IL5: variants seen among roughly 807,000 people sequenced by gnomAD.
The protein encoded by IL5 is interleukin-5.
IL5 carries 12 observed loss-of-function variants against 16.3 expected under a neutral mutation model. The observed-to-expected ratio is 0.74, with a 90% CI of 0.47 to 1.20. The LOEUF is 1.20. Among genes scored for constraint, IL5 ranks in the 50% most tolerant of loss-of-function variants. The pLI, the probability that IL5 is intolerant of heterozygous loss-of-function variation, is 0.00. For missense variants in IL5, 159 were observed against 153.9 expected (o/e 1.03, Z -0.17); for synonymous variants, 54 against 56.6 (o/e 0.95, Z 0.21).
Position 132,543,359 on chromosome 5 carries a change from A to T in IL5, c.120T>A (p.His40Gln), listed in dbSNP as rs770735768. 2 of 1,614,198 alleles carry T rather than the reference A, an allele frequency of 1.2e-6. No individual in the cohort carries two copies. Among genetic ancestry groups the T allele is most frequent in the South Asian group, 1.1e-5 (1 of 91,084 alleles). ...CCTCATTGGCTATCAGCAGAGTTCG[A>T]TGAGTAGAAAGCAGTGCCAAGGTCT... is the stretch of plus-strand genomic sequence containing the variant. ...VKETLALLST[H>Q]RTLLIANETL... is the part of the protein sequence containing the mutation. Residue 40 changes from histidine to glutamine, a missense_variant, in exon 1 of 4, where the codon CAT becomes CAA. Coordinates refer to ENST00000231454, the MANE Select transcript of IL5 (RefSeq NM_000879.3).
chr5:132,556,728 A>C (rs1459656190), exon 1 of IL5: 1 of 1,240,392 alleles, frequency 8.1e-7, no homozygotes. Flanking sequence ...CAGGAGTCCC[A>C]GGATCAAGCT....
intron 2 of IL5, among the ~76,000 whole-genome samples, chr5:132,542,484 A>C (rs1749713652): frequency 6.6e-6 from 1 of 152,190 alleles, no homozygotes; most frequent in Admixed American, 6.5e-5. Flanking sequence ...TAATTATGTA[A>C]CTGGAAAAAA....
chr5:132,555,557 C>T (rs1201595252), intron 1 of IL5, among the ~76,000 whole-genome samples: 1 of 152,188 alleles, frequency 6.6e-6, no homozygotes, highest in Admixed American at 6.5e-5. Context: ...GCTCTGTTGC[C>T]CAGGCTGGAG....
intron 1 of IL5, among the ~76,000 whole-genome samples, chr5:132,553,502 T>G (rs1294971651): frequency 6.6e-6 from 1 of 152,266 alleles, no homozygotes; most frequent in African/African-American, 2.4e-5. Context: ...GTAATTACAT[T>G]TCTTGCTTCT....
At chr5:132,555,985 T>G (rs80319396) in intron 1 of IL5, 3 of 2,342 alleles carry the variant, frequency 1.3e-3, no homozygotes, top group African/African-American at 1.3e-3. Context: ...CACTTTCCGG[T>G]TTTTTTTAAC....
chr5:132,551,958 A>C (rs1055391168), intron 1 of IL5, among the ~76,000 whole-genome samples: 4 of 152,130 alleles, frequency 2.6e-5, no homozygotes, highest in African/African-American at 7.2e-5. Context: ...AAAAAGGGAG[A>C]ATTATGTTAG....
intron 1 of IL5, among the ~76,000 whole-genome samples, chr5:132,550,475 C>T (rs778606557): frequency 6.6e-6 from 1 of 152,114 alleles, no homozygotes; most frequent in Non-Finnish European, 1.5e-5. Context: ...AGGCACGCGC[C>T]ATCATGCCCA....
chr5:132,541,730 A>T lies in IL5; in HGVS notation c.*81T>A, dbSNP rs1749693254. On this transcript the variant is annotated 3_prime_UTR_variant, in exon 4 of 4. Transcript: ENST00000231454. ...AAATTATACTGAAAATTAAGGCCTG[A>T]CTCTTTCTTGGCCCTCATTCTCACT... 2.5e-6 allele frequency: 2 copies of T among 803,726 alleles called. No homozygotes were observed. Among genetic ancestry groups the T allele is most frequent in the Middle Eastern group, 2.3e-4 (1 of 4,362 alleles). The allele number at this position is 803,726 out of a possible 1,614,324, so 49.8% of individuals were successfully genotyped here.
upstream of IL5, chr5:132,543,628 A>T: frequency 1.7e-6 from 1 of 578,062 alleles, no homozygotes. Context: ...CGTGAAACTA[A>T]ATGTTTCCAA....
chr5:132,554,029 G>A (rs952209403), intron 1 of IL5, among the ~76,000 whole-genome samples: 2 of 151,068 alleles, frequency 1.3e-5, no homozygotes, highest in Non-Finnish European at 2.9e-5. Flanking sequence ...CTGGAAAAGG[G>A]TGAATTTTAC....
chr5:132,543,174 A>G (rs374667414), intron 1 of IL5, 48 bp from the exon 2 acceptor site: 1 of 1,559,302 alleles, frequency 6.4e-7, no homozygotes, highest in African/African-American at 1.4e-5. Flanking sequence ...ACCAGCATTC[A>G]TAACTTTTAA....
At chr5:132,549,935 A>T (rs1749858161) in intron 1 of IL5, among the ~76,000 whole-genome samples, 1 of 152,256 alleles carries the variant, frequency 6.6e-6, no homozygotes, top group African/African-American at 2.4e-5. Flanking sequence ...ATTTCTTGGT[A>T]TAGCAACTAT....
chr5:132,546,835 C>G (rs1749801739), upstream of IL5, among the ~76,000 whole-genome samples: 1 of 151,984 alleles, frequency 6.6e-6, no homozygotes, highest in African/African-American at 2.4e-5. Context: ...ACCATCCTGG[C>G]TAACACAGTG....
chr5:132,556,815 C>T (rs1749995415), exon 1 of IL5: 14 of 1,203,766 alleles, frequency 1.2e-5, no homozygotes, highest in Non-Finnish European at 1.4e-5. Flanking sequence ...CCATCCCCAG[C>T]AAAGATCCGG....
chr5:132,555,653 C>CTA (rs1749967566), intron 1 of IL5, among the ~76,000 whole-genome samples: 1 of 152,122 alleles, frequency 6.6e-6, no homozygotes, highest in African/African-American at 2.4e-5. Flanking sequence ...GTAGCTGGGA[C>CTA]CATCGGCGCC....
chr5:132,544,801 T>C (rs923297305), upstream of IL5, among the ~76,000 whole-genome samples: 6 of 152,198 alleles, frequency 3.9e-5, no homozygotes, highest in Admixed American at 1.3e-4. Context: ...CAAGAACAGA[T>C]GGTACCAAAC....
intron 1 of IL5, among the ~76,000 whole-genome samples, chr5:132,552,357 T>A (rs1454606986): frequency 1.3e-5 from 2 of 152,188 alleles, no homozygotes; most frequent in Non-Finnish European, 2.9e-5. Context: ...GTAGTTTTAT[T>A]TTTTATTTCA....
chr5:132,555,178 C>A (rs1414421189), intron 1 of IL5, among the ~76,000 whole-genome samples: 1 of 152,180 alleles, frequency 6.6e-6, no homozygotes, highest in Non-Finnish European at 1.5e-5. Flanking sequence ...TCCTACTGTG[C>A]CACCAGGTTC....
At chr5:132,550,436 GC>G (rs1749865664) in intron 1 of IL5, among the ~76,000 whole-genome samples, 1 of 150,776 alleles carries the variant, frequency 6.6e-6, no homozygotes, top group Admixed American at 6.6e-5. Flanking sequence ...CGATTCTCCT[GC>G]CTCAGCCTCC....
Sources: gnomAD v4.1 joint callset for allele counts (sites outside exome capture counted in the v4.1 genomes callset) on GRCh38, gnomAD v4.1.1 for gene constraint, MANE v1.5 for transcripts, NCBI Gene and HGNC (gene_info 2026-07-23, HGNC 2026-07-21) for gene names.